Variants in WWOX observed in about 807,000 individuals in gnomAD.
WWOX encodes WW domain-containing oxidoreductase.
In WWOX, 69 loss-of-function variants were observed where a neutral mutation model predicts 46.2. That is an observed-to-expected ratio of 1.49 (90% CI 1.23 to 1.82). WWOX has a LOEUF of 1.82. Ranked by LOEUF, WWOX falls within the 40% of genes most tolerant of loss-of-function variation. WWOX has a pLI of 0.00. For synonymous variants in WWOX, 359 were observed against 202.6 expected (o/e 1.77, Z -6.56); for missense variants, 919 against 542.6 (o/e 1.69, Z -6.89).
chr16:78,688,549 G>A (rs1289141782), intron 8 of WWOX, among the ~76,000 whole-genome samples: 9 of 152,156 alleles, frequency 5.9e-5, no homozygotes, highest in South Asian at 2.1e-4. Context: ...CCTCCTCAGC[G>A]GAGACAACTG....
intron 8 of WWOX, among the ~76,000 whole-genome samples, chr16:78,441,786 C>A (rs969377935): frequency 6.6e-6 from 1 of 151,908 alleles, no homozygotes; most frequent in African/African-American, 2.4e-5. Context: ...GTGCTAGATG[C>A]TTAAGAAATG....
At chr16:79,083,868 A>G (rs1048126098) in intron 8 of WWOX, among the ~76,000 whole-genome samples, 6 of 152,076 alleles carry the variant, frequency 3.9e-5, no homozygotes, top group African/African-American at 1.4e-4. Context: ...TCATCCTCCT[A>G]TTTTGTTTTA....
chr16:79,040,397 C>G (rs868439837), intron 8 of WWOX, among the ~76,000 whole-genome samples: 3 of 151,774 alleles, frequency 2.0e-5, no homozygotes, highest in Admixed American at 1.3e-4. Flanking sequence ...GCCTCAGCCT[C>G]ATGAGCAGCT....
At chr16:78,893,382 C>T (rs1389117265) in intron 8 of WWOX, among the ~76,000 whole-genome samples, 1 of 152,106 alleles carries the variant, frequency 6.6e-6, no homozygotes, top group Non-Finnish European at 1.5e-5. Context: ...ACCAGGCTCC[C>T]CCATTCAGTA....
At chr16:79,103,294 A>T (rs974188777) in intron 8 of WWOX, among the ~76,000 whole-genome samples, 5 of 152,208 alleles carry the variant, frequency 3.3e-5, no homozygotes, top group Non-Finnish European at 5.9e-5. Flanking sequence ...TAATTTCTGT[A>T]TGAAGTGACT....
chr16:78,372,991 G>T (rs2081730399), intron 5 of WWOX, among the ~76,000 whole-genome samples: 1 of 152,148 alleles, frequency 6.6e-6, no homozygotes. Context: ...GTCTCTCAAA[G>T]ACTTTTGCAG....
chr16:78,376,276 G>T (rs928365563), intron 5 of WWOX, among the ~76,000 whole-genome samples: 3 of 152,196 alleles, frequency 2.0e-5, no homozygotes, highest in African/African-American at 7.2e-5. Flanking sequence ...CACAAAGCTA[G>T]TGAAGTATGT....
chr16:78,427,830 G>C (rs2083122421), intron 7 of WWOX, among the ~76,000 whole-genome samples: 1 of 152,100 alleles, frequency 6.6e-6, no homozygotes, highest in African/African-American at 2.4e-5. Flanking sequence ...GCCAGGCACA[G>C]TGTCTCACGC....
chr16:78,919,102 C>T (rs953105844), intron 8 of WWOX, among the ~76,000 whole-genome samples: 5 of 152,112 alleles, frequency 3.3e-5, no homozygotes, highest in Non-Finnish European at 5.9e-5. Context: ...AAATTAATAA[C>T]TCACTTGAGA....
At chr16:78,957,704 T>C (rs756540330) in intron 8 of WWOX, among the ~76,000 whole-genome samples, 10 of 152,342 alleles carry the variant, frequency 6.6e-5, no homozygotes, top group Admixed American at 2.0e-4. Context: ...GATTTATGTA[T>C]GTGAACCTCT....
chr16:78,102,114 T>A (rs562153866), intron 1 of WWOX, among the ~76,000 whole-genome samples: 3 of 151,986 alleles, frequency 2.0e-5, no homozygotes, highest in Non-Finnish European at 4.4e-5. Context: ...AGAAATGGGG[T>A]CTCACCATGT....
intron 8 of WWOX, among the ~76,000 whole-genome samples, chr16:78,871,199 A>G (rs1003278864): frequency 6.6e-6 from 1 of 150,782 alleles, no homozygotes; most frequent in Admixed American, 6.6e-5. Flanking sequence ...TAATGAGGCA[A>G]TCAGGGGTAA....
chr16:78,248,864 C>CT (rs869134108), intron 5 of WWOX, among the ~76,000 whole-genome samples: 6,620 of 117,390 alleles, frequency 0.056, 306 homozygotes, highest in South Asian at 0.082. Context: ...GCCCCCCGGC[C>CT]TTTTTTTTTT....
At position 78,681,197 on chromosome 16, in the gene WWOX, C is replaced by T. The variant is rs532299699; in HGVS notation, c.1056+248445C>T. Among the ~76,000 whole-genome samples, 6 of 151,988 alleles carry T rather than the reference C, an allele frequency of 3.9e-5. No homozygotes were observed. The South Asian group carries it at 6.2e-4, about 16-fold the overall frequency. The stretch of plus-strand genomic sequence containing the variant: ...CCGAGAGGCGGAGATTGCATTGAGC[C>T]GAGATCATGCCACAGCCTGGGCAAC... On this transcript the variant is annotated intron_variant, in intron 8 of 8. Coordinates refer to ENST00000566780, the MANE Select transcript of WWOX (RefSeq NM_016373.4).
At chr16:79,180,663 C>A (rs1264263625) in intron 8 of WWOX, among the ~76,000 whole-genome samples, 2 of 137,624 alleles carry the variant, frequency 1.5e-5, no homozygotes, top group Admixed American at 6.8e-5. Context: ...TCTTCTTTCT[C>A]TCTCTTCTCT....
intron 5 of WWOX, among the ~76,000 whole-genome samples, chr16:78,314,701 G>GTTTT (rs920575863): frequency 0.016 from 953 of 61,134 alleles, 24 homozygotes; most frequent in African/African-American, 0.068. Flanking sequence ...TTTTTTTTTT[G>GTTTT]TTTTTTTTTT....
intron 8 of WWOX, among the ~76,000 whole-genome samples, chr16:78,580,717 A>AGTGG (rs1422111328): frequency 2.0e-5 from 3 of 152,240 alleles, no homozygotes; most frequent in Non-Finnish European, 4.4e-5. Context: ...CTCCACGAAT[A>AGTGG]CTGCAGTGGT....
intron 5 of WWOX, chr16:78,238,114 T>A (rs749277386): frequency 6.6e-6 from 1 of 152,250 alleles, no homozygotes; most frequent in Non-Finnish European, 1.5e-5. Context: ...TGCCTTCGTC[T>A]AGAAAGTGCC....
intron 8 of WWOX, among the ~76,000 whole-genome samples, chr16:79,044,444 T>A (rs868545054): frequency 1.3e-5 from 2 of 152,234 alleles, no homozygotes; most frequent in Admixed American, 6.5e-5. Flanking sequence ...AGTGAGTGAG[T>A]TGTTGGGGGA....
Sources: gnomAD v4.1 joint callset for allele counts (sites outside exome capture counted in the v4.1 genomes callset) on GRCh38, gnomAD v4.1.1 for gene constraint, MANE v1.5 for transcripts, NCBI Gene and HGNC (gene_info 2026-07-23, HGNC 2026-07-21) for gene names.